Variants in TRABD2A observed in about 807,000 individuals in gnomAD.
TRABD2A encodes TraB domain containing 2A.
In TRABD2A, 43 loss-of-function variants were observed where a neutral mutation model predicts 45.6. That is an observed-to-expected ratio of 0.94 (90% CI 0.74 to 1.22). TRABD2A has a LOEUF of 1.22. TRABD2A is among the 50% of genes most tolerant of loss of function. The pLI, the probability that TRABD2A is intolerant of heterozygous loss-of-function variation, is 0.00. For missense variants in TRABD2A, 642 were observed against 652.4 expected (o/e 0.98, Z 0.17); for synonymous variants, 269 against 265.0 (o/e 1.02, Z -0.15).
At chr2:84,846,420 T>C (rs1206401775) in intron 2 of TRABD2A, among the ~76,000 whole-genome samples, 5 of 152,154 alleles carry the variant, frequency 3.3e-5, no homozygotes, top group African/African-American at 1.2e-4. Flanking sequence ...CAGCACAAGA[T>C]AAGCCGTTGA....
intron 1 of TRABD2A, chr2:84,879,659 G>A (rs1683138792): frequency 1.0e-6 from 1 of 964,750 alleles, no homozygotes; most frequent in African/African-American, 1.8e-5. Context: ...CTTGTGAGGA[G>A]ATGGACTCCT....
chr2:84,875,261 G>A (rs974786774), intron 1 of TRABD2A, among the ~76,000 whole-genome samples: 5 of 152,334 alleles, frequency 3.3e-5, no homozygotes, highest in Middle Eastern at 3.4e-3. Flanking sequence ...AAGCCTTGCC[G>A]TGAAGGAGAC....
intron 2 of TRABD2A, among the ~76,000 whole-genome samples, chr2:84,863,931 G>A (rs1171235679): frequency 6.6e-6 from 1 of 152,020 alleles, no homozygotes; most frequent in Non-Finnish European, 1.5e-5. Flanking sequence ...AAAATAGAAT[G>A]TCAGGATCTC....
At chr2:84,867,179 G>A (rs968026618) in intron 2 of TRABD2A, among the ~76,000 whole-genome samples, 15 of 151,848 alleles carry the variant, frequency 9.9e-5, no homozygotes, top group Admixed American at 2.0e-4. Flanking sequence ...AGAACAAGTC[G>A]TTTTCCTCCT....
chr2:84,865,207 A>G (rs913659231), intron 2 of TRABD2A, among the ~76,000 whole-genome samples: 1 of 151,074 alleles, frequency 6.6e-6, no homozygotes, highest in African/African-American at 2.5e-5. Flanking sequence ...CCAAACCACT[A>G]TTGAATGTTG....
At chr2:84,841,322 G>A (rs1001187029) in intron 3 of TRABD2A, among the ~76,000 whole-genome samples, 3 of 152,134 alleles carry the variant, frequency 2.0e-5, no homozygotes, top group African/African-American at 7.2e-5. Context: ...CCTGAGCTGG[G>A]CAAACACTCA....
intron 5 of TRABD2A, among the ~76,000 whole-genome samples, chr2:84,829,715 ACACACATGCACAGTACC>A (rs1681267178): frequency 6.6e-6 from 1 of 150,520 alleles, no homozygotes; most frequent in South Asian, 2.1e-4. Flanking sequence ...AACATGCACC[ACACACATGCACAGTACC>A]CACACATGCA....
Position 84,827,928 on chromosome 2 carries a change from C to A in TRABD2A, c.1083-3724G>T, listed in dbSNP as rs919827009. Among the ~76,000 whole-genome samples, 40 of 152,194 alleles carry A rather than the reference C, an allele frequency of 2.6e-4. 1 individual carries two copies. Among genetic ancestry groups the A allele is most frequent in the African/African-American group, 7.5e-4 (31 of 41,432 alleles). On this transcript the variant is annotated intron_variant, in intron 5 of 6. Transcript: ENST00000409520. ...AGAAGGGAATGCAGCCCTGCCCACA[C>A]CTTAGTTTCAGCCAGTGAGACCTGT...
intron 2 of TRABD2A, among the ~76,000 whole-genome samples, chr2:84,847,203 C>T (rs1681926698): frequency 6.6e-6 from 1 of 152,256 alleles, no homozygotes; most frequent in South Asian, 2.1e-4. Flanking sequence ...CCTAAACTCA[C>T]TCCCATTCAA....
intron 4 of TRABD2A, 78 bp downstream of exon 4, chr2:84,839,071 C>T: frequency 5.9e-6 from 9 of 1,533,556 alleles, no homozygotes; most frequent in Non-Finnish European, 8.0e-6. Flanking sequence ...AGGCCCTAAG[C>T]AGGGGCTCAC....
chr2:84,862,382 G>A (rs184415867), intron 2 of TRABD2A, among the ~76,000 whole-genome samples: 11 of 152,310 alleles, frequency 7.2e-5, no homozygotes, highest in African/African-American at 2.6e-4. Flanking sequence ...AGGTGTCAAG[G>A]AAGAGCTGGC....
chr2:84,845,026 C>T (rs2105384771), intron 2 of TRABD2A, among the ~76,000 whole-genome samples: 1 of 152,324 alleles, frequency 6.6e-6, no homozygotes, highest in Non-Finnish European at 1.5e-5. Flanking sequence ...CAAACTGGGG[C>T]AGACTGTGTA....
At chr2:84,876,045 T>C (rs939901131) in intron 1 of TRABD2A, among the ~76,000 whole-genome samples, 1 of 147,400 alleles carries the variant, frequency 6.8e-6, no homozygotes, top group Non-Finnish European at 1.5e-5. Flanking sequence ...GATGAAAGGA[T>C]GAGGTTATCA....
In TRABD2A at chr2:84,839,415, G is replaced by A. The variant is rs1376447058; in HGVS notation, c.817-92C>T. ...AGCATCAAATCCCCCAACCTAGATG[G>A]TCAAGACGTTGTCAAGAGAAGAGTG... On this transcript the variant is annotated intron_variant, in intron 3 of 6. Transcript: ENST00000409520. 3 of 1,239,486 alleles carry A rather than the reference G, an allele frequency of 2.4e-6. No homozygotes were observed. The Admixed American group carries it at 7.6e-5, about 31-fold the overall frequency. 76.8% of individuals were successfully genotyped at this position (1,239,486 alleles called of 1,614,324 possible).
At chr2:84,862,798 G>C (rs1230665030) in intron 2 of TRABD2A, among the ~76,000 whole-genome samples, 4 of 152,124 alleles carry the variant, frequency 2.6e-5, no homozygotes, top group African/African-American at 9.7e-5. Context: ...CTCAAGTCCT[G>C]AGCAGGCCTG....
In TRABD2A at chr2:84,842,462, T is replaced by G. The variant is rs149682704; in HGVS notation, c.670-455A>C. On this transcript the variant is annotated intron_variant, in intron 2 of 6. Coordinates refer to ENST00000409520, the MANE Select transcript of TRABD2A (RefSeq NM_001277053.2). ...GCAGCATTCCCAGCTAATGGCGTCATTAGATCCATGGGATATTAAGGGAAG... is the reference window on the plus strand; with the variant it reads ...GCAGCATTCCCAGCTAATGGCGTCAGTAGATCCATGGGATATTAAGGGAAG... 1.9e-4 allele frequency among the ~76,000 whole-genome samples: 29 copies of G among 152,264 alleles called. No homozygotes were observed. The East Asian group carries it at 5.6e-3, about 29-fold the overall frequency.
At chr2:84,825,121 T>A (rs2105369744) in intron 5 of TRABD2A, among the ~76,000 whole-genome samples, 1 of 152,262 alleles carries the variant, frequency 6.6e-6, no homozygotes, top group African/African-American at 2.4e-5. Flanking sequence ...AGGTAGGTAG[T>A]GAGAGTCCTG....
rs565467602 is a variant in TRABD2A, at chr2:84,871,976, C to G, written c.109-1191G>C. ...TGATCTCTGCTGGATGGATTCTCTC[C>G]AAGCAGTTGCACATGCTGAGCAGCG... On this transcript the variant is annotated intron_variant, in intron 1 of 6. Coordinates refer to ENST00000409520, the MANE Select transcript of TRABD2A (RefSeq NM_001277053.2). Among the ~76,000 whole-genome samples, 3 of 152,254 alleles carry G rather than the reference C, an allele frequency of 2.0e-5. No homozygotes were observed. The East Asian group carries it at 5.8e-4, about 29-fold the overall frequency.
intron 2 of TRABD2A, chr2:84,850,567 G>A (rs987256464): frequency 6.6e-5 from 10 of 152,186 alleles, no homozygotes; most frequent in African/African-American, 1.9e-4. Context: ...AGGCCCCAGA[G>A]AGAGATGAGC....
Sources: allele counts gnomAD v4.1 joint callset (sites outside exome capture counted in the v4.1 genomes callset), GRCh38; gene constraint gnomAD v4.1.1; transcripts MANE v1.5; gene names NCBI Gene and HGNC (gene_info 2026-07-23, HGNC 2026-07-21).